Variants in MAF observed in about 807,000 individuals in gnomAD.
The protein encoded by MAF is MAF bZIP transcription factor.
MAF carries 10 observed loss-of-function variants against 22.0 expected under a neutral mutation model. The observed-to-expected ratio is 0.45, with a 90% CI of 0.28 to 0.77. The LOEUF (loss-of-function observed/expected upper bound fraction) is 0.77, where lower values mean the gene tolerates loss of function less well. MAF is among the 30% of genes least tolerant of loss of function. MAF has a pLI of 0.12. For synonymous variants in MAF, 337 were observed against 255.8 expected (o/e 1.32, Z -3.03); for missense variants, 544 against 548.4 (o/e 0.99, Z 0.08).
the MAF span, among the ~76,000 whole-genome samples, chr16:79,397,099 C>T: frequency 6.6e-6 from 1 of 152,206 alleles, no homozygotes; most frequent in Admixed American, 6.5e-5. Context: ...ATTAAGTGAG[C>T]CAACCAATGG....
At chr16:79,352,609 C>T in the MAF span, among the ~76,000 whole-genome samples, 1 of 152,160 alleles carries the variant, frequency 6.6e-6, no homozygotes, top group South Asian at 2.1e-4. Flanking sequence ...ACAGATTTAA[C>T]CAATGAAGAA....
At chr16:79,468,963 A>G in the MAF span, among the ~76,000 whole-genome samples, 1 of 152,108 alleles carries the variant, frequency 6.6e-6, no homozygotes, top group Non-Finnish European at 1.5e-5. Flanking sequence ...GCCATCTTCC[A>G]TATAAAGAGT....
chr16:79,251,120 G>A, the MAF span, among the ~76,000 whole-genome samples: 2 of 152,090 alleles, frequency 1.3e-5, no homozygotes, highest in African/African-American at 2.4e-5. Flanking sequence ...GAAAGGTTAA[G>A]TGCTTATTTC....
chr16:79,511,764 G>A, the MAF span, among the ~76,000 whole-genome samples: 1 of 152,136 alleles, frequency 6.6e-6, no homozygotes, highest in South Asian at 2.1e-4. Flanking sequence ...TGAAACTGAG[G>A]CTTAGAGAAA....
At chr16:79,267,748 G>A in the MAF span, among the ~76,000 whole-genome samples, 2 of 152,176 alleles carry the variant, frequency 1.3e-5, no homozygotes, top group Non-Finnish European at 2.9e-5. Flanking sequence ...CAGGAGTAAG[G>A]GGAGAACACA....
chr16:79,539,256 C>A, the MAF span, among the ~76,000 whole-genome samples: 1 of 152,342 alleles, frequency 6.6e-6, no homozygotes, highest in Non-Finnish European at 1.5e-5. Flanking sequence ...GTAATCCCAG[C>A]ACTTCGGGAG....
At chr16:79,246,328 C>T in the MAF span, among the ~76,000 whole-genome samples, 2 of 152,222 alleles carry the variant, frequency 1.3e-5, no homozygotes, top group East Asian at 3.9e-4. Flanking sequence ...AAAGAGTTTA[C>T]CTCTCATTTA....
At chr16:79,477,879 C>T in the MAF span, among the ~76,000 whole-genome samples, 32 of 151,720 alleles carry the variant, frequency 2.1e-4, no homozygotes, top group Non-Finnish European at 4.6e-4. Flanking sequence ...CGCGTGCCAC[C>T]AGGCCAGCTA....
At chr16:79,439,765 C>CCA in the MAF span, among the ~76,000 whole-genome samples, 1 of 152,184 alleles carries the variant, frequency 6.6e-6, no homozygotes, top group East Asian at 1.9e-4. Context: ...AGAGGAAGTG[C>CCA]TGGAAGCACC....
At chr16:79,297,335 C>A in the MAF span, among the ~76,000 whole-genome samples, 712 of 152,300 alleles carry the variant, frequency 4.7e-3, 2 homozygotes, top group African/African-American at 0.016. Flanking sequence ...CAAATGCTTT[C>A]ATTGAAGAAT....
the MAF span, among the ~76,000 whole-genome samples, chr16:79,218,452 G>A: frequency 1.3e-5 from 2 of 152,270 alleles, no homozygotes; most frequent in East Asian, 1.9e-4. Context: ...GCATACCTTT[G>A]TAGAGCGTAG....
chr16:79,560,823 C>T, the MAF span, among the ~76,000 whole-genome samples: 2 of 152,184 alleles, frequency 1.3e-5, no homozygotes, highest in African/African-American at 4.8e-5. Flanking sequence ...CTCCCAACTC[C>T]CCTGTGAAGG....
the MAF span, among the ~76,000 whole-genome samples, chr16:79,500,093 C>A: frequency 6.6e-6 from 1 of 152,186 alleles, no homozygotes; most frequent in Non-Finnish European, 1.5e-5. Context: ...TTGCCTGGAG[C>A]CTCCAGAAGA....
chr16:79,557,599 C>G, the MAF span, among the ~76,000 whole-genome samples: 1 of 152,040 alleles, frequency 6.6e-6, no homozygotes, highest in African/African-American at 2.4e-5. Flanking sequence ...CTCCTCTGCT[C>G]AATAGAGATA....
chr16:79,245,173 T>C, the MAF span, among the ~76,000 whole-genome samples: 4,452 of 151,970 alleles, frequency 0.029, 121 homozygotes, highest in Non-Finnish European at 0.042. Context: ...ACTTCATGAT[T>C]AAAACACAAA....
At chr16:79,495,283 GA>G in the MAF span, among the ~76,000 whole-genome samples, 1 of 152,176 alleles carries the variant, frequency 6.6e-6, no homozygotes, top group East Asian at 1.9e-4. Context: ...ACAACATAGT[GA>G]GACCCCATCC....
At chr16:79,398,758 G>A in the MAF span, among the ~76,000 whole-genome samples, 1 of 152,070 alleles carries the variant, frequency 6.6e-6, no homozygotes, top group Admixed American at 6.6e-5. Context: ...GCTCAGCTAG[G>A]CCCCTCTGTC....
At chr16:79,319,813 G>T in the MAF span, among the ~76,000 whole-genome samples, 1 of 152,220 alleles carries the variant, frequency 6.6e-6, no homozygotes, top group African/African-American at 2.4e-5. Flanking sequence ...GAGAAACAAT[G>T]ACCACATAGA....
chr16:79,558,273 A>C, the MAF span, among the ~76,000 whole-genome samples: 1 of 152,128 alleles, frequency 6.6e-6, no homozygotes, highest in African/African-American at 2.4e-5. Flanking sequence ...GTGAATTGGA[A>C]ACTATGAACT....
Sources: allele counts gnomAD v4.1 joint callset (sites outside exome capture counted in the v4.1 genomes callset), GRCh38; gene constraint gnomAD v4.1.1; transcripts MANE v1.5; gene names NCBI Gene and HGNC (gene_info 2026-07-23, HGNC 2026-07-21).